CENATAC: variants seen among roughly 807,000 people sequenced by gnomAD.
CENATAC encodes centrosomal AT-AC splicing factor, also known as coiled-coil domain containing 84.
A neutral mutation model predicts 53.7 loss-of-function variants in CENATAC; 53 were observed. That is an observed-to-expected ratio of 0.99 (90% CI 0.79 to 1.24). The LOEUF (loss-of-function observed/expected upper bound fraction) is 1.24. Ranked by LOEUF, CENATAC falls within the 50% of genes most tolerant of loss-of-function variation. The probability of loss-of-function intolerance (pLI) is 0.00; values close to 1 mark genes in which losing one functional copy is unlikely to be tolerated. For synonymous variants in CENATAC, 156 were observed against 144.6 expected (o/e 1.08, Z -0.57); for missense variants, 474 against 417.8 (o/e 1.13, Z -1.17).
Position 118,998,591 on chromosome 11 carries a change from C to G in CENATAC, c.282C>G (p.Ala94=), listed in dbSNP as rs1224834746. ...VLYGGLLEHL[A]SPEHKKATNK... is the part of the protein sequence containing the mutation. ...ACGGGGGGCTGCTGGAGCATCTGGC[C>G]AGGTGAGAGCCGAGCTAGGAGCCTG... Residue 94 remains alanine (A), a splice_region_variant and synonymous_variant, in exon 2 of 11, where the codon GCC becomes GCG. Coordinates refer to ENST00000334418, the MANE Select transcript of CENATAC (RefSeq NM_198489.3). 1 of 1,559,500 alleles carries G rather than the reference C, an allele frequency of 6.4e-7. No individual in the cohort carries two copies. Among genetic ancestry groups the G allele is most frequent in the East Asian group, 2.4e-5 (1 of 41,570 alleles).
Position 119,012,016 on chromosome 11 carries a change from G to T in CENATAC, c.578+13G>T. 1 of 1,613,868 alleles carries T rather than the reference G, an allele frequency of 6.2e-7. No homozygotes were observed. The highest frequency in any genetic ancestry group is 1.1e-5 in the South Asian group (1 of 91,036). On this transcript the variant is annotated intron_variant, in intron 6 of 10. Coordinates refer to ENST00000334418, the MANE Select transcript of CENATAC (RefSeq NM_198489.3). Reference sequence around the variant, plus strand: ...AAGGGATGAACAGGTAAGACTATTAGGGAATCTCTTGTTGGGAATTTGACA... The same window carrying T: ...AAGGGATGAACAGGTAAGACTATTATGGAATCTCTTGTTGGGAATTTGACA...
intron 3 of CENATAC, chr11:119,009,586 C>T (rs1189709726): frequency 6.6e-6 from 1 of 152,240 alleles, no homozygotes; most frequent in African/African-American, 2.4e-5. Context: ...GAGATGGCCT[C>T]ATAGCAGCTT....
intron 9 of CENATAC, 52 bp from the exon 10 acceptor site, chr11:119,015,255 A>G: frequency 6.5e-7 from 1 of 1,542,354 alleles, no homozygotes; most frequent in Non-Finnish European, 8.8e-7. Flanking sequence ...GTGAGACCCC[A>G]TCTCTATATT....
intron 3 of CENATAC, chr11:119,004,762 T>TAAAAA (rs796412468): frequency 6.9e-6 from 1 of 145,172 alleles, no homozygotes; most frequent in South Asian, 2.2e-4. Context: ...AATGTCTCTT[T>TAAAAA]AAAAAAAAAA....
chr11:119,014,831 C>G (rs1434339644), intron 8 of CENATAC, 163 bp from the exon 9 acceptor site: 1 of 512,714 alleles, frequency 2.0e-6, no homozygotes, highest in South Asian at 3.1e-5. Context: ...TGGGGTATGT[C>G]GCTTTAAATT....
Position 118,998,473 on chromosome 11 carries a change from G to C in CENATAC, c.164G>C (p.Arg55Pro), listed in dbSNP as rs574488069. The C allele has an allele frequency of 6.2e-7, 1 of 1,613,168 alleles. No homozygotes were observed. Among genetic ancestry groups the C allele is most frequent in the East Asian group, 2.2e-5 (1 of 44,874 alleles). Residue 55 changes from arginine to proline, a missense_variant, in exon 2 of 11, where the codon CGC becomes CCC. Arg to Pro is a moderately radical substitution (Grantham distance 103). Transcript: ENST00000334418. The stretch of plus-strand genomic sequence containing the variant: ...GCCATCCGCGCCGCTCAGGTGGAGC[G>C]CTATGTGCCCGAACACGAGCGATGC... ...RKAIRAAQVE[R>P]YVPEHERCCW... is the part of the protein sequence containing the mutation.
At position 119,011,351 on chromosome 11, in the gene CENATAC, C is replaced by G. The variant is rs529537547; in HGVS notation, c.513+68C>G. The G allele has an allele frequency of 2.2e-5, 31 of 1,421,888 alleles. No homozygotes were observed. In the African/African-American group the frequency reaches 4.1e-4, roughly 19 times the overall value. The allele number at this position is 1,421,888 out of a possible 1,614,324, so 88.1% of individuals were successfully genotyped here. ...TGATCCCTGGCATTCCCAGGTCCAG[C>G]ATTTCATGGACTAGTGCTTCTTCTT... On this transcript the variant is annotated intron_variant, in intron 5 of 10. Coordinates refer to ENST00000334418, the MANE Select transcript of CENATAC (RefSeq NM_198489.3).
chr11:119,010,823 T>C lies in CENATAC; in HGVS notation c.443T>C (p.Ile148Thr). The change falls in exon 4 of 11, where the codon ATC (isoleucine) becomes ACC (threonine). Residue 148 changes from isoleucine (I) to threonine (T), a missense_variant. Coordinates refer to ENST00000334418, the MANE Select transcript of CENATAC (RefSeq NM_198489.3). ...DSYEEKEDKVIKEMAAQIREV... is the reference protein window; with the variant it reads ...DSYEEKEDKVTKEMAAQIREV... Reference sequence around the variant, plus strand: ...TATGAAGAAAAGGAGGATAAAGTGATCAAGGAGGTAAGTTAAAGTAGCAGT... The same window carrying C: ...TATGAAGAAAAGGAGGATAAAGTGACCAAGGAGGTAAGTTAAAGTAGCAGT... 6.2e-7 allele frequency: 1 copy of C among 1,614,036 alleles called. No individual in the cohort carries two copies. Among genetic ancestry groups the C allele is most frequent in the Non-Finnish European group, 8.5e-7 (1 of 1,179,918 alleles).
chr11:119,006,993 T>C (rs925529562), intron 3 of CENATAC, among the ~76,000 whole-genome samples: 2 of 152,184 alleles, frequency 1.3e-5, no homozygotes, highest in Non-Finnish European at 2.9e-5. Context: ...GTGAGTCTAT[T>C]AAACCTCTTT....
In CENATAC at chr11:119,011,923, C is replaced by A; in HGVS notation, c.514-16C>A. ...AAGCATCCCAGACACATTTATTTTT[C>A]CTGAATCAAACTCAGCCTCAGGCAG... On this transcript the variant is annotated splice_polypyrimidine_tract_variant and intron_variant, in intron 5 of 10. Coordinates refer to ENST00000334418, the MANE Select transcript of CENATAC (RefSeq NM_198489.3). 6.2e-7 allele frequency: 1 copy of A among 1,613,322 alleles called. No homozygotes were observed. Among genetic ancestry groups the A allele is most frequent in the South Asian group, 1.1e-5 (1 of 91,004 alleles).
chr11:119,010,158 AAGAC>A (rs1942797349), intron 3 of CENATAC: 1 of 152,468 alleles, frequency 6.6e-6, no homozygotes, highest in Admixed American at 6.5e-5. Flanking sequence ...TCTCAAAAAA[AAGAC>A]AAAGAAATTT....
At chr11:119,010,630 TAC>T (rs1942824309) in intron 3 of CENATAC, 132 bp from the exon 4 acceptor site, 1 of 726,314 alleles carries the variant, frequency 1.4e-6, no homozygotes, top group African/African-American at 1.8e-5. Flanking sequence ...GGGTGAGAGG[TAC>T]ATAGGTGCTT....
Position 119,015,634 on chromosome 11 carries a change from A to T in CENATAC, c.*36A>T, listed in dbSNP as rs1437185585. 6.2e-7 allele frequency: 1 copy of T among 1,605,928 alleles called. No individual in the cohort carries two copies. The highest frequency in any genetic ancestry group is 1.3e-5 in the African/African-American group (1 of 74,816). On this transcript the variant is annotated 3_prime_UTR_variant, in exon 11 of 11. Transcript: ENST00000334418. Reference sequence around the variant, plus strand: ...TACCAACTACCATGAGGCTAAAAGCAAAGTCAACAAACCCCTATTATACCT... The same window carrying T: ...TACCAACTACCATGAGGCTAAAAGCTAAGTCAACAAACCCCTATTATACCT...
chr11:119,013,676 G>C (rs901634345), intron 8 of CENATAC, among the ~76,000 whole-genome samples: 1 of 151,788 alleles, frequency 6.6e-6, no homozygotes, highest in African/African-American at 2.4e-5. Context: ...TTTTAGCCGG[G>C]ATGGTCTCGA....
rs368553754 is a variant in CENATAC at position 119,013,753 on chromosome 11, G to A, written c.715+491G>A. ...GCTGGGATTACAGGCATGAGCCACC[G>A]TGCCCGGACTTTTTTTTTTTTTTTA... is the stretch of plus-strand genomic sequence containing the variant. On this transcript the variant is annotated intron_variant, in intron 8 of 10. Transcript: ENST00000334418. Among the ~76,000 whole-genome samples, 395 of 150,956 alleles carry A rather than the reference G, an allele frequency of 2.6e-3. 3 individuals carry two copies. Among genetic ancestry groups the A allele is most frequent in the African/African-American group, 8.2e-3 (335 of 41,060 alleles).
intron 4 of CENATAC, 84 bp from the exon 5 acceptor site, chr11:119,011,137 T>A: frequency 1.7e-6 from 2 of 1,195,930 alleles, no homozygotes; most frequent in Non-Finnish European, 2.5e-6. Context: ...CGCCTGGGGG[T>A]GGAGGGCCCA....
rs782664366 is a variant in CENATAC at position 119,002,224 on chromosome 11, C to CAAA, written c.383+3137_383+3139dup. On this transcript the variant is annotated intron_variant, in intron 3 of 10. Transcript: ENST00000334418. Reference sequence around the variant, plus strand: ...GGGCAACAAGAGCAAAACTCTGTCTCAAAAAAAAAAAAAAAAAAAAAAAAG... The same window carrying CAAA: ...GGGCAACAAGAGCAAAACTCTGTCTCAAAAAAAAAAAAAAAAAAAAAAAAAAAG... 4.7e-3 allele frequency among the ~76,000 whole-genome samples: 231 copies of CAAA among 49,268 alleles called. 2 individuals carry two copies. The highest frequency in any genetic ancestry group is 5.4e-3 in the Admixed American group (20 of 3,696). The allele number at this position is 49,268 out of a possible 152,430, so 32.3% of individuals were successfully genotyped here. A position where few individuals can be genotyped will look rare whatever the true frequency, so the allele number is the denominator to read the frequency against.
In CENATAC at chr11:118,998,155, G is replaced by A. The variant is rs1375299862; in HGVS notation, c.-43G>A. Reference sequence around the variant, plus strand: ...TCAGGGTCAGAGGCCGCCGGATGGCGTAGGATCGGCCGCTGGTGGTGGTGA... The same window carrying A: ...TCAGGGTCAGAGGCCGCCGGATGGCATAGGATCGGCCGCTGGTGGTGGTGA... On this transcript the variant is annotated 5_prime_UTR_variant, in exon 1 of 11. Coordinates refer to ENST00000334418, the MANE Select transcript of CENATAC (RefSeq NM_198489.3). 2 of 1,556,850 alleles carry A rather than the reference G, an allele frequency of 1.3e-6. No individual in the cohort carries two copies. Among genetic ancestry groups the A allele is most frequent in the Admixed American group, 1.9e-5 (1 of 52,282 alleles).
At chr11:119,012,593 C>T (rs945233439) in intron 7 of CENATAC, 1 of 227,926 alleles carries the variant, frequency 4.4e-6, no homozygotes, top group African/African-American at 2.3e-5. Flanking sequence ...TTTCCTTTTC[C>T]ATCTCCCATA....
Sources: allele counts gnomAD v4.1 joint callset (sites outside exome capture counted in the v4.1 genomes callset), GRCh38; gene constraint gnomAD v4.1.1; transcripts MANE v1.5; gene names NCBI Gene and HGNC (gene_info 2026-07-23, HGNC 2026-07-21).